Variants in CCDC88C observed in about 807,000 individuals in gnomAD.
The protein encoded by CCDC88C is protein Daple.
A neutral mutation model predicts 198.8 loss-of-function variants in CCDC88C; 131 were observed. That is an observed-to-expected ratio of 0.66 (90% CI 0.57 to 0.76). The LOEUF (loss-of-function observed/expected upper bound fraction) is 0.76, where lower values mean the gene tolerates loss of function less well. Among genes scored for constraint, CCDC88C ranks in the 30% least tolerant of loss-of-function variants. CCDC88C has a pLI of 0.00. For synonymous variants in CCDC88C, 1,166 were observed against 1,114.7 expected (o/e 1.05, Z -0.92); for missense variants, 2,553 against 2,631.6 (o/e 0.97, Z 0.65).
chr14:91,281,385 A>C, intron 27 of CCDC88C, 72 bp downstream of exon 27: 8 of 1,609,964 alleles, frequency 5.0e-6, no homozygotes, highest in Non-Finnish European at 6.8e-6. Context: ...GACTCAGCTT[A>C]AAGGAAAGGT....
chr14:91,273,454 G>C lies in CCDC88C; in HGVS notation c.5258C>G (p.Pro1753Arg). 6.3e-7 allele frequency: 1 copy of C among 1,589,924 alleles called. No homozygotes were observed. Among genetic ancestry groups the C allele is most frequent in the Non-Finnish European group, 8.6e-7 (1 of 1,167,018 alleles). Residue 1753 changes from proline to arginine, a missense_variant, in exon 30 of 30, where the codon CCA (proline) becomes CGA (arginine). Pro to Arg is a moderately radical substitution (Grantham distance 103). This residue lies in a region of CCDC88C where 1,293 missense variants were observed against 1,219.6 expected (regional missense o/e 1.06). Coordinates refer to ENST00000389857, the MANE Select transcript of CCDC88C (RefSeq NM_001080414.4). The surrounding 1 kb of genome is among the most constrained non-coding windows in gnomAD (Gnocchi z 5.6). ...RPLKPGQYVK[P>R]NFRLTEAEAP... ...CTCGGCCTCAGTCAGTCTGAAGTTT[G>C]GCTTTACGTACTGCCCGGGCTTCAG... is the stretch of plus-strand genomic sequence containing the variant.
chr14:91,359,939 C>G (rs181609316), intron 3 of CCDC88C, among the ~76,000 whole-genome samples: 34 of 151,564 alleles, frequency 2.2e-4, no homozygotes, highest in Admixed American at 8.5e-4. Flanking sequence ...AGTATGCCTA[C>G]AAGAGATTTA....
At chr14:91,345,190 A>ATATATTT (rs1246878587) in intron 4 of CCDC88C, among the ~76,000 whole-genome samples, 3 of 52,200 alleles carry the variant, frequency 5.7e-5, no homozygotes, top group South Asian at 7.2e-4. Flanking sequence ...ATATATATAT[A>ATATATTT]TTTTTTTTTT....
Position 91,361,311 on chromosome 14 carries a change from A to G in CCDC88C, c.271-1600T>C, listed in dbSNP as rs139771425. On this transcript the variant is annotated intron_variant, in intron 3 of 29. Coordinates refer to ENST00000389857, the MANE Select transcript of CCDC88C (RefSeq NM_001080414.4). ...GTCGCTCTATTGCATAACATGCGGA[A>G]TCTCTATATCCAGTGTGCTGCTAAC... Among the ~76,000 whole-genome samples the G allele has an allele frequency of 1.7e-3, 252 of 152,260 alleles. 5 individuals are homozygous for G. In the East Asian group the frequency reaches 0.042, roughly 25 times the overall value.
intron 25 of CCDC88C, chr14:91,285,573 C>T (rs1890369369): frequency 9.7e-6 from 11 of 1,137,990 alleles, no homozygotes; most frequent in South Asian, 7.1e-5. Context: ...GGTCCGCTAT[C>T]GGCCATCTGG....
intron 3 of CCDC88C, among the ~76,000 whole-genome samples, chr14:91,365,387 C>T (rs560131606): frequency 4.6e-5 from 7 of 152,320 alleles, no homozygotes; most frequent in African/African-American, 1.7e-4. Context: ...TACGGTGGCC[C>T]CTCACGCCCC....
At chr14:91,297,249 TGTCCCCTTGGGGGACTC>T in intron 22 of CCDC88C, 39 bp downstream of exon 22, 1 of 1,556,700 alleles carries the variant, frequency 6.4e-7, no homozygotes, top group Middle Eastern at 1.7e-4. Context: ...AGCCCTGGGC[TGTCCCCTTGGGGGACTC>T]ATCCCTGTCT....
intron 3 of CCDC88C, chr14:91,384,602 C>G (rs1054870458): frequency 1.1e-5 from 5 of 438,868 alleles, no homozygotes; most frequent in South Asian, 8.3e-5. Context: ...ATGACCTTCA[C>G]TATTGTGCTG....
chr14:91,301,648 T>C (rs540879753), intron 20 of CCDC88C, among the ~76,000 whole-genome samples: 23 of 152,060 alleles, frequency 1.5e-4, no homozygotes, highest in African/African-American at 4.3e-4. Context: ...AGCCGGGAGG[T>C]GGAGGCTGCT....
At chr14:91,316,363 G>A (rs1892096364) in intron 13 of CCDC88C, among the ~76,000 whole-genome samples, 1 of 151,904 alleles carries the variant, frequency 6.6e-6, no homozygotes, top group Non-Finnish European at 1.5e-5. Flanking sequence ...CCTAAACAGA[G>A]GTCCTTATGC....
At chr14:91,402,938 G>A (rs1056562172) in intron 3 of CCDC88C, among the ~76,000 whole-genome samples, 4 of 152,182 alleles carry the variant, frequency 2.6e-5, no homozygotes, top group African/African-American at 9.7e-5. Flanking sequence ...CCATGCTAGA[G>A]GCCAGAAGTC....
At position 91,272,744 on chromosome 14, in the gene CCDC88C, G is replaced by A. The variant is rs759095686; in HGVS notation, c.5968C>T (p.Pro1990Ser). The part of the protein sequence containing the change: ...KSPGRSPDLA[P>S]HLGRALEDCS... The stretch of plus-strand genomic sequence containing the variant: ...TCCTCCAGGGCCCGGCCGAGGTGGG[G>A]AGCCAAATCGGGAGACCGACCTGGG... The change falls in exon 30 of 30, where the codon CCC becomes TCC. Residue 1990 changes from proline (P) to serine (S), a missense_variant. Physicochemically the swap from Pro to Ser is moderately conservative, Grantham distance 74 (BLOSUM62 -1). Around this residue, in one of 2 missense-constraint regions of CCDC88C, gnomAD observed 1,293 missense variants for 1,219.6 expected, o/e 1.06. Transcript: ENST00000389857. The A allele has an allele frequency of 2.5e-6, 4 of 1,609,080 alleles. No individual in the cohort carries two copies. Among genetic ancestry groups the A allele is most frequent in the Non-Finnish European group, 3.4e-6 (4 of 1,179,170 alleles).
intron 10 of CCDC88C, among the ~76,000 whole-genome samples, chr14:91,331,555 G>A (rs201401464): frequency 1.2e-5 from 1 of 82,010 alleles, no homozygotes; most frequent in African/African-American, 3.5e-5. Context: ...AGAGAGGAGA[G>A]AGAAAGACAG....
intron 3 of CCDC88C, among the ~76,000 whole-genome samples, chr14:91,388,618 G>A (rs1374965498): frequency 1.3e-5 from 2 of 152,206 alleles, no homozygotes; most frequent in Non-Finnish European, 2.9e-5. Context: ...TCAAACTGAT[G>A]TATAAACAAG....
At position 91,273,684 on chromosome 14, in the gene CCDC88C, G is replaced by A. The variant is rs1468797279; in HGVS notation, c.5059-31C>T. The A allele has an allele frequency of 7.0e-6, 10 of 1,435,948 alleles. No homozygotes were observed. Among genetic ancestry groups the A allele is most frequent in the African/African-American group, 1.5e-5 (1 of 68,814 alleles). 89.0% of individuals were successfully genotyped at this position (1,435,948 alleles called of 1,614,324 possible). ...GAGAAGAGAGTGAAGGTTGGAGGTGGGCATGAGGGTTGGGTGGGTCCTTGG... is the reference window on the plus strand; with the variant it reads ...GAGAAGAGAGTGAAGGTTGGAGGTGAGCATGAGGGTTGGGTGGGTCCTTGG... On this transcript the variant is annotated intron_variant, in intron 29 of 29. Coordinates refer to ENST00000389857, the MANE Select transcript of CCDC88C (RefSeq NM_001080414.4). This position sits in a 1 kb window ranked among gnomAD's most constrained non-coding sequence, Gnocchi z 5.6.
chr14:91,345,181 TATATA>T (rs1302790248), intron 4 of CCDC88C, among the ~76,000 whole-genome samples: 110 of 70,784 alleles, frequency 1.6e-3, no homozygotes, highest in Admixed American at 3.2e-3. Context: ...TATATATATA[TATATA>T]TATATTTTTT....
chr14:91,417,610 CG>C lies in CCDC88C; in HGVS notation c.60+20del. The C allele has an allele frequency of 6.3e-7, 1 of 1,577,416 alleles. No homozygotes were observed. On this transcript the variant is annotated intron_variant, in intron 1 of 29. Transcript: ENST00000389857. ...AGAAGCCGGTGCACCAACAAAGGGG[CG>C]GGGAGCCAGGCGCACTCACCCAGGT...
chr14:91,278,363 G>C (rs1296869862), intron 28 of CCDC88C, among the ~76,000 whole-genome samples, 152 bp from the exon 29 acceptor site: 1 of 152,234 alleles, frequency 6.6e-6, no homozygotes, highest in Non-Finnish European at 1.5e-5. Context: ...CAGGCTGAAA[G>C]TCTGGACTCC....
Position 91,275,500 on chromosome 14 carries a change from CAG to C in CCDC88C, c.5059-1849_5059-1848del, listed in dbSNP as rs564750533. On this transcript the variant is annotated intron_variant, in intron 29 of 29. Coordinates refer to ENST00000389857, the MANE Select transcript of CCDC88C (RefSeq NM_001080414.4). ...CAGTTCTTTTTTTTTTTTTTGGAGA[CAG>C]AGTCTCACTGTGTTGCCCAGGCTGG... Among the ~76,000 whole-genome samples the C allele has an allele frequency of 7.8e-4, 117 of 149,436 alleles. 1 individual carries two copies. The highest frequency in any genetic ancestry group is 5.5e-3 in the Admixed American group (82 of 15,014).
Sources: allele counts gnomAD v4.1 joint callset (sites outside exome capture counted in the v4.1 genomes callset), GRCh38; gene constraint gnomAD v4.1.1; regional missense constraint gnomAD v4.1.1; non-coding constraint Gnocchi (gnomAD v3.1); transcripts MANE v1.5; gene names NCBI Gene and HGNC (gene_info 2026-07-23, HGNC 2026-07-21).